Variants in GAGE13 observed in about 807,000 individuals in gnomAD.
GAGE13 encodes the protein G antigen 12A.
Position 49,331,676 on chromosome X carries a change from C to T in GAGE13, c.-22C>T, listed in dbSNP as rs6609897. 7,912 of 47,257 alleles carry T rather than the reference C, an allele frequency of 0.17. No homozygotes were observed. The highest frequency in any genetic ancestry group is 0.43 in the East Asian group (603 of 1,395). The allele number at this position is 47,257 out of a possible 1,213,427, so 3.9% of individuals were successfully genotyped here. The stretch of plus-strand genomic sequence containing the variant: ...TGCCGTCCGGACTCTTTTTCCTCTA[C>T]TGAGATTCATCTGGTAGGTGTGCAG... On this transcript the variant is annotated 5_prime_UTR_variant, in exon 1 of 5. Coordinates refer to ENST00000612958, the MANE Select transcript of GAGE13 (RefSeq NM_001098412.4).
intron 1 of GAGE13, among the ~76,000 whole-genome samples, chrX:49,332,177 G>C (rs2066466350): frequency 2.5e-5 from 2 of 80,822 alleles, no homozygotes; most frequent in Non-Finnish European, 6.3e-5. Context: ...AGGAGTGGGC[G>C]AGGCAGTGCG....
chrX:49,337,650 T>TTCTA lies in GAGE13; in HGVS notation c.332-1185_332-1184insCTAT, dbSNP rs1344482977. 9.0e-4 allele frequency among the ~76,000 whole-genome samples: 53 copies of TTCTA among 58,907 alleles called. 4 individuals are homozygous for TTCTA. Among genetic ancestry groups the TTCTA allele is most frequent in the African/African-American group, 2.6e-3 (50 of 18,953 alleles). 51.2% of individuals were successfully genotyped at this position (58,907 alleles called of 115,157 possible). On this transcript the variant is annotated intron_variant, in intron 4 of 4. Coordinates refer to ENST00000612958, the MANE Select transcript of GAGE13 (RefSeq NM_001098412.4). ...AATGAACAATTGCTTCTTTTTTTTC[T>TTCTA]TTTATTTATTTATTTATTTATTTAT...
intron 3 of GAGE13, among the ~76,000 whole-genome samples, chrX:49,335,220 A>G (rs1286391911): frequency 7.5e-5 from 8 of 107,034 alleles, no homozygotes; most frequent in African/African-American, 2.3e-4. Flanking sequence ...TTCAGGTATT[A>G]TGGTCCTTTA....
chrX:49,335,161 ATACG>A (rs1430852326), intron 3 of GAGE13, among the ~76,000 whole-genome samples: 24 of 100,531 alleles, frequency 2.4e-4, no homozygotes, highest in Admixed American at 2.0e-3. Flanking sequence ...ACACACATAC[ATACG>A]GATATATGTT....
At chrX:49,335,047 C>G (rs1319062552) in intron 3 of GAGE13, among the ~76,000 whole-genome samples, 4 of 85,364 alleles carry the variant, frequency 4.7e-5, no homozygotes, top group Non-Finnish European at 7.9e-5. Flanking sequence ...AACTCATATA[C>G]TGTTCATCTG....
At chrX:49,335,804 GT>G (rs2147079896) in intron 3 of GAGE13, among the ~76,000 whole-genome samples, 1 of 27,156 alleles carries the variant, frequency 3.7e-5, no homozygotes, top group South Asian at 2.0e-3. Context: ...GGATAGACCA[GT>G]TGGTTTGCAG....
rs1415282635 is a variant in GAGE13 at position 49,337,688 on chromosome X, A to T, written c.332-1148A>T. Among the ~76,000 whole-genome samples the T allele has an allele frequency of 2.3e-4, 13 of 55,913 alleles. 2 individuals carry two copies. In the East Asian group the frequency reaches 4.4e-3, roughly 19 times the overall value. 48.6% of individuals were successfully genotyped at this position (55,913 alleles called of 115,157 possible). A position where few individuals can be genotyped will look rare whatever the true frequency, so the allele number is the denominator to read the frequency against. ...TTTATTTATTTATTTATTTATTGTT[A>T]TACTTTAAGTTTTAGGGTACATGTG... On this transcript the variant is annotated intron_variant, in intron 4 of 4. Coordinates refer to ENST00000612958, the MANE Select transcript of GAGE13 (RefSeq NM_001098412.4).
intron 1 of GAGE13, among the ~76,000 whole-genome samples, chrX:49,331,966 G>C (rs1391418593): frequency 1.5e-4 from 12 of 80,529 alleles, no homozygotes; most frequent in Non-Finnish European, 3.5e-4. Flanking sequence ...GTCCCGAGGT[G>C]CCGGGAACCC....
intron 4 of GAGE13, among the ~76,000 whole-genome samples, chrX:49,338,035 G>A (rs2066490530): frequency 4.3e-5 from 2 of 46,032 alleles, no homozygotes; most frequent in African/African-American, 1.2e-4. Flanking sequence ...GTATTCCATG[G>A]TGTATATGTG....
intron 1 of GAGE13, among the ~76,000 whole-genome samples, chrX:49,332,210 G>C (rs1190693228): frequency 6.4e-5 from 5 of 78,740 alleles, no homozygotes; most frequent in African/African-American, 1.4e-4. Flanking sequence ...TTGTTGTGAG[G>C]GGGGGTGAAT....
chrX:49,334,870 T>TA (rs1201708572), intron 3 of GAGE13, among the ~76,000 whole-genome samples: 1 of 67,355 alleles, frequency 1.5e-5, no homozygotes, highest in African/African-American at 4.2e-5. Flanking sequence ...CTGTACCACT[T>TA]AAAAATAGTT....
intron 1 of GAGE13, among the ~76,000 whole-genome samples, chrX:49,332,125 C>G (rs2066466078): frequency 1.2e-5 from 1 of 81,001 alleles, no homozygotes; most frequent in Non-Finnish European, 3.1e-5. Context: ...AGAAGCACTG[C>G]AAGGTCTCAC....
At chrX:49,335,452 G>A (rs2066482144) in intron 3 of GAGE13, among the ~76,000 whole-genome samples, 1 of 110,066 alleles carries the variant, frequency 9.1e-6, no homozygotes, top group African/African-American at 3.2e-5. Flanking sequence ...AGGTTGGAGT[G>A]CAGTAGTGCG....
intron 3 of GAGE13, among the ~76,000 whole-genome samples, chrX:49,335,148 CACACACACAT>C (rs1255989298): frequency 3.3e-4 from 2 of 6,022 alleles, no homozygotes; most frequent in Non-Finnish European, 9.5e-4. Context: ...CACACACACA[CACACACACAT>C]ACATACGGAT....
chrX:49,335,208 G>A (rs1244307104), intron 3 of GAGE13, among the ~76,000 whole-genome samples: 3 of 107,524 alleles, frequency 2.8e-5, no homozygotes, highest in African/African-American at 1.0e-4. Context: ...TCTCGATAAA[G>A]TTTCAGGTAT....
chrX:49,335,489 C>T (rs1241211005), intron 3 of GAGE13, among the ~76,000 whole-genome samples: 2 of 107,484 alleles, frequency 1.9e-5, no homozygotes, highest in Admixed American at 2.0e-4. Flanking sequence ...ACCCACACCT[C>T]CCAGGTTCTA....
chrX:49,335,363 C>G (rs1427279996), intron 3 of GAGE13, among the ~76,000 whole-genome samples: 6 of 108,169 alleles, frequency 5.5e-5, no homozygotes, highest in Non-Finnish European at 1.2e-4. Context: ...AGTGCATACT[C>G]AAATTTTGCC....
At chrX:49,335,098 C>A (rs2066479805) in intron 3 of GAGE13, among the ~76,000 whole-genome samples, 1 of 91,151 alleles carries the variant, frequency 1.1e-5, no homozygotes, top group African/African-American at 3.8e-5. Context: ...ATCAGTTTCA[C>A]ATCTCTTCCC....
At position 49,337,666 on chromosome X, in the gene GAGE13, A is replaced by ATTTG. The variant is rs1322200910; in HGVS notation, c.332-1167_332-1166insGTTT. Among the ~76,000 whole-genome samples, 22 of 62,174 alleles carry ATTTG rather than the reference A, an allele frequency of 3.5e-4. 3 individuals are homozygous for ATTTG. The highest frequency in any genetic ancestry group is 1.1e-3 in the African/African-American group (22 of 20,858). The allele number at this position is 62,174 out of a possible 115,157, so 54.0% of individuals were successfully genotyped here. ...TTTTTTTTCTTTTATTTATTTATTT[A>ATTTG]TTTATTTATTTATTTATTGTTATAC... On this transcript the variant is annotated intron_variant, in intron 4 of 4. Transcript: ENST00000612958.
Sources: allele counts gnomAD v4.1 joint callset (sites outside exome capture counted in the v4.1 genomes callset), GRCh38; gene constraint gnomAD v4.1.1; transcripts MANE v1.5; gene names NCBI Gene and HGNC (gene_info 2026-07-23, HGNC 2026-07-21).